Variants in HS3ST4 observed in about 807,000 individuals in gnomAD.
The protein encoded by HS3ST4 is heparan sulfate glucosamine 3-O-sulfotransferase 4.
In HS3ST4, 17 loss-of-function variants were observed where a neutral mutation model predicts 29.2. The observed-to-expected ratio is 0.58, with a 90% CI of 0.40 to 0.87. The LOEUF (loss-of-function observed/expected upper bound fraction) is 0.87. HS3ST4 is among the 40% of genes least tolerant of loss of function. HS3ST4 has a pLI of 0.00. For missense variants in HS3ST4, 627 were observed against 634.5 expected, an observed-to-expected ratio of 0.99 and a Z score of 0.13; for synonymous variants, 314 against 285.7, an observed-to-expected ratio of 1.10 and a Z score of -1.00.
At chr16:26,083,475 C>T (rs1441039731) in intron 1 of HS3ST4, among the ~76,000 whole-genome samples, 1 of 152,120 alleles carries the variant, frequency 6.6e-6, no homozygotes, top group Non-Finnish European at 1.5e-5. Context: ...GACCAAGAGT[C>T]AACAATTTTT....
chr16:25,916,398 T>G (rs1176296947), intron 1 of HS3ST4, among the ~76,000 whole-genome samples: 1 of 152,110 alleles, frequency 6.6e-6, no homozygotes, highest in African/African-American at 2.4e-5. Context: ...GTTTCGCTCT[T>G]GTTTCCCAGG....
At chr16:25,767,493 A>C (rs1966827713) in intron 1 of HS3ST4, among the ~76,000 whole-genome samples, 1 of 152,204 alleles carries the variant, frequency 6.6e-6, no homozygotes, top group Admixed American at 6.5e-5. Context: ...CAGTATTGTC[A>C]AAACTTCTCA....
intron 1 of HS3ST4, among the ~76,000 whole-genome samples, chr16:26,004,828 A>G (rs531834535): frequency 6.6e-6 from 1 of 152,288 alleles, no homozygotes; most frequent in South Asian, 2.1e-4. Flanking sequence ...AGTGGTTTTT[A>G]TGATTTCATT....
intron 1 of HS3ST4, among the ~76,000 whole-genome samples, chr16:25,879,923 A>G (rs1202687661): frequency 1.3e-5 from 2 of 152,148 alleles, no homozygotes; most frequent in Admixed American, 1.3e-4. Flanking sequence ...TCCCATTTAT[A>G]AAGCGATCAG....
At chr16:25,857,557 G>C (rs1596592707) in intron 1 of HS3ST4, among the ~76,000 whole-genome samples, 2 of 152,220 alleles carry the variant, frequency 1.3e-5, no homozygotes, top group East Asian at 3.9e-4. Context: ...GTTTTTTACT[G>C]GGGTGTTTAT....
At chr16:25,872,081 G>A (rs1967760011) in intron 1 of HS3ST4, among the ~76,000 whole-genome samples, 1 of 152,044 alleles carries the variant, frequency 6.6e-6, no homozygotes, top group Admixed American at 6.6e-5. Flanking sequence ...TTTGTTTGCG[G>A]GACTTTCCCA....
intron 1 of HS3ST4, among the ~76,000 whole-genome samples, chr16:26,097,188 C>T (rs899929690): frequency 6.6e-6 from 1 of 152,140 alleles, no homozygotes; most frequent in Admixed American, 6.6e-5. Context: ...AGTGCCATCC[C>T]CATCAAGCTA....
intron 1 of HS3ST4, among the ~76,000 whole-genome samples, chr16:25,895,608 A>C (rs985149322): frequency 6.6e-6 from 1 of 152,068 alleles, no homozygotes; most frequent in African/African-American, 2.4e-5. Context: ...GCAAGGATTT[A>C]TGTCTCATGT....
At chr16:25,996,917 A>T (rs111512113) in intron 1 of HS3ST4, among the ~76,000 whole-genome samples, 11 of 152,288 alleles carry the variant, frequency 7.2e-5, no homozygotes, top group African/African-American at 2.6e-4. Context: ...TGGTACTGTT[A>T]ACACAGTTTT....
chr16:25,751,963 T>C (rs540336091), intron 1 of HS3ST4, among the ~76,000 whole-genome samples: 1 of 151,760 alleles, frequency 6.6e-6, no homozygotes, highest in Admixed American at 6.6e-5. Context: ...CTGTGACTAG[T>C]AAGTTTTAAA....
At chr16:25,811,559 G>A (rs1426176420) in intron 1 of HS3ST4, among the ~76,000 whole-genome samples, 7 of 150,268 alleles carry the variant, frequency 4.7e-5, no homozygotes, top group Middle Eastern at 3.5e-3. Flanking sequence ...TCAGCCTCCC[G>A]AGTAGCTGGG....
At chr16:25,864,357 GCAT>G (rs1470792039) in intron 1 of HS3ST4, among the ~76,000 whole-genome samples, 1 of 107,348 alleles carries the variant, frequency 9.3e-6, no homozygotes, top group African/African-American at 4.2e-5. Context: ...AGTGTGCAAA[GCAT>G]CATTATTATT....
chr16:25,827,248 C>G (rs555517744), intron 1 of HS3ST4, among the ~76,000 whole-genome samples: 12 of 152,140 alleles, frequency 7.9e-5, no homozygotes, highest in Non-Finnish European at 1.6e-4. Context: ...GTCCTACAAA[C>G]TGGCTTTCTC....
intron 1 of HS3ST4, among the ~76,000 whole-genome samples, chr16:25,935,965 A>G (rs1017999588): frequency 4.6e-5 from 7 of 152,132 alleles, no homozygotes; most frequent in Non-Finnish European, 7.3e-5. Flanking sequence ...AGGTCTTGCC[A>G]TGTTTCCCAG....
At chr16:25,976,953 C>T (rs1968950623) in intron 1 of HS3ST4, among the ~76,000 whole-genome samples, 1 of 151,964 alleles carries the variant, frequency 6.6e-6, no homozygotes, top group Non-Finnish European at 1.5e-5. Flanking sequence ...TTGTGTTTTA[C>T]AAAATGTTTA....
intron 1 of HS3ST4, among the ~76,000 whole-genome samples, chr16:25,936,517 A>G (rs1277800612): frequency 6.6e-6 from 1 of 152,272 alleles, no homozygotes; most frequent in Admixed American, 6.5e-5. Context: ...GTGTTCATGT[A>G]AAAAGAGAAA....
chr16:25,875,660 T>A (rs1169400627), intron 1 of HS3ST4, among the ~76,000 whole-genome samples: 2 of 152,146 alleles, frequency 1.3e-5, no homozygotes, highest in Non-Finnish European at 2.9e-5. Context: ...CCTTCAAATT[T>A]CAATTCTGTT....
intron 1 of HS3ST4, among the ~76,000 whole-genome samples, chr16:26,001,454 C>G (rs1178671445): frequency 1.3e-5 from 2 of 151,458 alleles, no homozygotes; most frequent in Non-Finnish European, 2.9e-5. Flanking sequence ...ATTCTTGCAA[C>G]CTTTCTGTAA....
chr16:25,814,925 C>T (rs566228180), intron 1 of HS3ST4, among the ~76,000 whole-genome samples: 1 of 152,290 alleles, frequency 6.6e-6, no homozygotes, highest in East Asian at 1.9e-4. Flanking sequence ...GTGCAAAGGC[C>T]AGCCTTCGCA....
Sources: allele counts gnomAD v4.1 joint callset (sites outside exome capture counted in the v4.1 genomes callset), GRCh38; gene constraint gnomAD v4.1.1; transcripts MANE v1.5; gene names NCBI Gene and HGNC (gene_info 2026-07-23, HGNC 2026-07-21).